TAFA5: variants seen among roughly 807,000 people sequenced by gnomAD.
The protein encoded by TAFA5 is TAFA chemokine like family member 5.
In TAFA5, 6 loss-of-function variants were observed where a neutral mutation model predicts 15.3. The observed-to-expected ratio is 0.39, with a 90% CI of 0.21 to 0.77. The LOEUF (loss-of-function observed/expected upper bound fraction) is 0.77. Among genes scored for constraint, TAFA5 ranks in the 30% least tolerant of loss-of-function variants. TAFA5 has a pLI of 0.41. For synonymous variants in TAFA5, 103 were observed against 80.7 expected, an observed-to-expected ratio of 1.28 and a Z score of -1.48; for missense variants, 161 against 193.1, an observed-to-expected ratio of 0.83 and a Z score of 0.98.
At position 48,656,277 on chromosome 22, in the gene TAFA5, T is replaced by G. The variant is rs540486850; in HGVS notation, c.262+9531T>G. ...TTCAGGAAATGTGTGAATTGACTTG[T>G]AATACTCCCATTATTAAAAACGAAA... On this transcript the variant is annotated intron_variant, in intron 2 of 3. Coordinates refer to ENST00000402357, the MANE Select transcript of TAFA5 (RefSeq NM_001082967.3). Among the ~76,000 whole-genome samples the G allele has an allele frequency of 2.0e-5, 3 of 152,172 alleles. No individual in the cohort carries two copies. In the South Asian group the frequency reaches 6.2e-4, roughly 32 times the overall value.
intron 1 of TAFA5, among the ~76,000 whole-genome samples, chr22:48,600,944 G>A (rs993350422): frequency 5.3e-5 from 8 of 152,062 alleles, no homozygotes; most frequent in Admixed American, 3.9e-4. Context: ...TCATTCCCCC[G>A]GCTCCCTCTC....
At chr22:48,690,443 C>T (rs1242771640) in intron 2 of TAFA5, among the ~76,000 whole-genome samples, 12 of 152,082 alleles carry the variant, frequency 7.9e-5, no homozygotes, top group Admixed American at 7.9e-4. Context: ...TGTGCAGCCT[C>T]CACCCTACTG....
At position 48,496,941 on chromosome 22, in the gene TAFA5, C is replaced by T. The variant is rs12165431; in HGVS notation, c.112+7237C>T. On this transcript the variant is annotated intron_variant, in intron 1 of 3. Transcript: ENST00000402357. ...ACAGGCTGCTGTGCTTGCATTTCAC[C>T]TTCCAGAAAGAGGCTTGGCGCCCCC... 6.4e-3 allele frequency among the ~76,000 whole-genome samples: 971 copies of T among 152,300 alleles called. 9 individuals carry two copies. The highest frequency in any genetic ancestry group is 0.022 in the African/African-American group (894 of 41,572).
At chr22:48,512,328 C>T (rs133512) in intron 1 of TAFA5, among the ~76,000 whole-genome samples, 81,542 of 152,148 alleles carry the variant, frequency 0.54, 23,599 homozygotes, top group Middle Eastern at 0.74. Flanking sequence ...AATAACTGGC[C>T]GGGAGCAGTG....
At chr22:48,558,353 A>C (rs575972107) in intron 1 of TAFA5, among the ~76,000 whole-genome samples, 1 of 152,286 alleles carries the variant, frequency 6.6e-6, no homozygotes, top group South Asian at 2.1e-4. Context: ...GACAAATTAA[A>C]TCTTGTTTTT....
At chr22:48,625,115 G>GA (rs5845856) in intron 1 of TAFA5, among the ~76,000 whole-genome samples, 34,994 of 142,124 alleles carry the variant, frequency 0.25, 4,292 homozygotes, top group South Asian at 0.34. Context: ...ACCCTGTCTT[G>GA]AAAAAAAAAA....
rs558414509 is a variant in TAFA5 at position 48,709,474 on chromosome 22, C to T, written c.390+1630C>T. On this transcript the variant is annotated intron_variant, in intron 3 of 3. Transcript: ENST00000402357. ...AACACAAACAGCAGGTGCATTCCAT[C>T]CACCTGTGGACCCCAGTCAGGCGCA... 7.0e-4 allele frequency among the ~76,000 whole-genome samples: 106 copies of T among 152,276 alleles called. 1 individual carries two copies. The highest frequency in any genetic ancestry group is 3.4e-3 in the Middle Eastern group (1 of 294).
chr22:48,682,176 C>A (rs977389533), intron 2 of TAFA5, among the ~76,000 whole-genome samples: 2 of 152,158 alleles, frequency 1.3e-5, no homozygotes, highest in Non-Finnish European at 2.9e-5. Flanking sequence ...GGCCAGCAGT[C>A]TGGGCTCCCT....
rs192163108 is a variant in TAFA5, at chr22:48,662,467, G to T, written c.262+15721G>T. On this transcript the variant is annotated intron_variant, in intron 2 of 3. Coordinates refer to ENST00000402357, the MANE Select transcript of TAFA5 (RefSeq NM_001082967.3). ...AGAAAGTGGCAGTGACTGTGGTCGCGTGGGGAAGTGTGTGATGGGGGTGAT... is the reference window on the plus strand; with the variant it reads ...AGAAAGTGGCAGTGACTGTGGTCGCTTGGGGAAGTGTGTGATGGGGGTGAT... 1.1e-3 allele frequency among the ~76,000 whole-genome samples: 162 copies of T among 148,484 alleles called. 1 individual carries two copies. Among genetic ancestry groups the T allele is most frequent in the African/African-American group, 3.7e-3 (146 of 39,374 alleles).
chr22:48,609,076 C>A (rs989736602), intron 1 of TAFA5, among the ~76,000 whole-genome samples: 2 of 152,134 alleles, frequency 1.3e-5, no homozygotes, highest in Admixed American at 1.3e-4. Context: ...TTAGCCAGGG[C>A]ACAGTCTGTT....
intron 1 of TAFA5, among the ~76,000 whole-genome samples, chr22:48,505,527 A>C (rs537820828): frequency 6.6e-6 from 1 of 152,176 alleles, no homozygotes; most frequent in East Asian, 1.9e-4. Context: ...GAATCTTGCC[A>C]TTAAAAGGCC....
intron 2 of TAFA5, among the ~76,000 whole-genome samples, chr22:48,680,893 C>T (rs1471100097): frequency 5.3e-5 from 8 of 152,208 alleles, no homozygotes; most frequent in African/African-American, 1.2e-4. Context: ...TTAGGGCGCC[C>T]GGGTGGCAAG....
chr22:48,545,557 C>A (rs994469618), intron 1 of TAFA5: 8 of 153,690 alleles, frequency 5.2e-5, no homozygotes, highest in East Asian at 1.9e-4. Flanking sequence ...TATGGAGCAT[C>A]CTGTGTTGGT....
intron 3 of TAFA5, among the ~76,000 whole-genome samples, chr22:48,710,126 A>G (rs1488041544): frequency 1.3e-5 from 2 of 152,126 alleles, no homozygotes; most frequent in East Asian, 1.9e-4. Context: ...TCAGATCTGC[A>G]TGAAGGCTTC....
At chr22:48,629,495 C>T (rs1272000159) in intron 1 of TAFA5, among the ~76,000 whole-genome samples, 2 of 152,258 alleles carry the variant, frequency 1.3e-5, no homozygotes, top group East Asian at 1.9e-4. Context: ...CTAAGTCCAC[C>T]TCCTTCCTGT....
chr22:48,707,752 C>A lies in TAFA5; in HGVS notation c.298C>A (p.Leu100Ile). 1 of 1,613,960 alleles carries A rather than the reference C, an allele frequency of 6.2e-7. No homozygotes were observed. Residue 100 changes from leucine to isoleucine, a missense_variant, in exon 3 of 4, where the codon CTT becomes ATT. Leu to Ile is a conservative substitution (Grantham distance 5). Coordinates refer to ENST00000402357, the MANE Select transcript of TAFA5 (RefSeq NM_001082967.3). ...IIKTKQWCDM[L>I]PCLEGEGCDL... is the part of the protein sequence containing the mutation. Reference sequence around the variant, plus strand: ...CAAGACCAAGCAGTGGTGTGACATGCTTCCGTGTCTGGAGGGGGAAGGCTG... The same window carrying A: ...CAAGACCAAGCAGTGGTGTGACATGATTCCGTGTCTGGAGGGGGAAGGCTG...
chr22:48,659,629 A>G (rs1927363953), intron 2 of TAFA5, among the ~76,000 whole-genome samples: 1 of 151,274 alleles, frequency 6.6e-6, no homozygotes, highest in Non-Finnish European at 1.5e-5. Flanking sequence ...GTCATCACCC[A>G]CTTGTTCTCG....
intron 2 of TAFA5, among the ~76,000 whole-genome samples, chr22:48,675,125 A>G (rs1212420870): frequency 6.6e-6 from 1 of 152,126 alleles, no homozygotes; most frequent in African/African-American, 2.4e-5. Context: ...TATTTTTAGT[A>G]GAGATGGGGT....
At chr22:48,678,736 T>G (rs1277737048) in intron 2 of TAFA5, among the ~76,000 whole-genome samples, 1 of 150,086 alleles carries the variant, frequency 6.7e-6, no homozygotes, top group Non-Finnish European at 1.5e-5. Flanking sequence ...TGGAAACTTC[T>G]AAAAAGAAAA....
Sources: allele counts gnomAD v4.1 joint callset (sites outside exome capture counted in the v4.1 genomes callset), GRCh38; gene constraint gnomAD v4.1.1; transcripts MANE v1.5; gene names NCBI Gene and HGNC (gene_info 2026-07-23, HGNC 2026-07-21).